The following CORO1C variants were observed in gnomAD, a reference collection of about 807,000 sequenced individuals.
The protein encoded by CORO1C is coronin-1C.
Under a neutral mutation model 51.2 loss-of-function variants are expected in CORO1C, and 14 were observed. The ratio of observed to expected loss-of-function variants is 0.27; its 90% confidence interval spans 0.18 to 0.43. The LOEUF (loss-of-function observed/expected upper bound fraction) is 0.43. CORO1C is among the 20% of genes least tolerant of loss of function. The pLI, the probability that CORO1C is intolerant of heterozygous loss-of-function variation, is 1.00. For synonymous variants in CORO1C, 181 were observed against 210.5 expected, an observed-to-expected ratio of 0.86 and a Z score of 1.21; for missense variants, 417 against 607.8, an observed-to-expected ratio of 0.69 and a Z score of 3.30.
intron 2 of CORO1C, among the ~76,000 whole-genome samples, chr12:108,685,803 C>T (rs1038833805): frequency 5.3e-5 from 8 of 151,928 alleles, no homozygotes; most frequent in Middle Eastern, 3.2e-3. Context: ...AAATATCTGA[C>T]AGTGATAAAA....
chr12:108,725,356 A>T lies in CORO1C; in HGVS notation c.-6+6073T>A, dbSNP rs114948398. 5.8e-3 allele frequency among the ~76,000 whole-genome samples: 890 copies of T among 152,358 alleles called. 10 individuals are homozygous for T. The highest frequency in any genetic ancestry group is 0.02 in the African/African-American group (844 of 41,578). ...CCATTCATTAACAGACATTTAAGAG[A>T]GAAGAGAGGGAACAGGAATGTATTC... On this transcript the variant is annotated intron_variant, in intron 1 of 10. Transcript: ENST00000261401.
At chr12:108,688,989 C>G (rs1250514622) in intron 2 of CORO1C, among the ~76,000 whole-genome samples, 1 of 151,064 alleles carries the variant, frequency 6.6e-6, no homozygotes, top group Non-Finnish European at 1.5e-5. Context: ...TGAGAGCGTA[C>G]CACTACACTC....
At chr12:108,650,862 G>C (rs1322048456) in intron 8 of CORO1C, among the ~76,000 whole-genome samples, 6 of 152,158 alleles carry the variant, frequency 3.9e-5, no homozygotes, top group African/African-American at 1.2e-4. Flanking sequence ...ACCATATTTT[G>C]ATTAGTTTGG....
At chr12:108,709,289 G>A (rs994624511) in intron 1 of CORO1C, among the ~76,000 whole-genome samples, 2 of 152,068 alleles carry the variant, frequency 1.3e-5, no homozygotes, top group African/African-American at 4.8e-5. Context: ...TTATTTAAGA[G>A]CCCAGTAATA....
chr12:108,722,225 G>A (rs917153182), intron 1 of CORO1C, among the ~76,000 whole-genome samples: 5 of 152,216 alleles, frequency 3.3e-5, no homozygotes, highest in African/African-American at 1.2e-4. Flanking sequence ...GAAATGACAT[G>A]AATAAAGCCT....
At chr12:108,716,607 T>A (rs189198875) in intron 1 of CORO1C, among the ~76,000 whole-genome samples, 26 of 152,332 alleles carry the variant, frequency 1.7e-4, no homozygotes, top group African/African-American at 6.3e-4. Context: ...CACAAATTTA[T>A]CTTGACATAA....
At chr12:108,660,451 C>CAAAAAA (rs139334112) in intron 4 of CORO1C, among the ~76,000 whole-genome samples, 6 of 87,482 alleles carry the variant, frequency 6.9e-5, no homozygotes, top group Non-Finnish European at 9.1e-5. Flanking sequence ...AACTCCATCT[C>CAAAAAA]AAAAAAAAAA....
chr12:108,647,749 G>T (rs117660611), intron 10 of CORO1C, among the ~76,000 whole-genome samples: 1 of 152,200 alleles, frequency 6.6e-6, no homozygotes, highest in Non-Finnish European at 1.5e-5. Context: ...GTGTCACAGT[G>T]TCACAGTGCC....
chr12:108,702,501 T>C (rs1057454701), intron 1 of CORO1C, among the ~76,000 whole-genome samples: 1 of 152,210 alleles, frequency 6.6e-6, no homozygotes, highest in Non-Finnish European at 1.5e-5. Flanking sequence ...TAAGATTTCC[T>C]AGACTGCACC....
intron 3 of CORO1C, among the ~76,000 whole-genome samples, chr12:108,674,617 C>A (rs1302975718): frequency 6.7e-6 from 1 of 149,556 alleles, no homozygotes; most frequent in Non-Finnish European, 1.5e-5. Context: ...TAAGAAAATT[C>A]ATGATTCGTG....
intron 2 of CORO1C, among the ~76,000 whole-genome samples, chr12:108,686,043 C>A (rs1426371970): frequency 6.6e-6 from 1 of 152,230 alleles, no homozygotes; most frequent in East Asian, 1.9e-4. Context: ...CACTTACAAA[C>A]TGCTGAGGGC....
At position 108,647,486 on chromosome 12, in the gene CORO1C, T is replaced by C. The variant is rs1233174795; in HGVS notation, c.1342A>G (p.Ile448Val). ...EAKLDEILKE[I>V]KSIKDTICNQ... ...CAGATTGTGTCTTTTATAGATTTGA[T>C]CTCTTTTAAAATCTCATCCAACTTG... The change falls in exon 11 of 11, where the codon ATC becomes GTC. Residue 448 changes from isoleucine (I) to valine (V), a missense_variant. By Grantham distance (29) the Ile-to-Val change is conservative. Coordinates refer to ENST00000261401, the MANE Select transcript of CORO1C (RefSeq NM_014325.4). The C allele has an allele frequency of 6.2e-7, 1 of 1,606,266 alleles. No individual in the cohort carries two copies.
intron 1 of CORO1C, among the ~76,000 whole-genome samples, chr12:108,714,559 G>A (rs2035275886): frequency 6.6e-6 from 1 of 151,466 alleles, no homozygotes; most frequent in South Asian, 2.1e-4. Flanking sequence ...TCAGGAGTTG[G>A]AGACCAGCCT....
chr12:108,667,148 TATATATTTCTA>T (rs1192979648), intron 3 of CORO1C, among the ~76,000 whole-genome samples: 1 of 152,134 alleles, frequency 6.6e-6, no homozygotes, highest in Admixed American at 6.5e-5. Context: ...TATGACGCCA[TATATATTTCTA>T]GGTCTGAACA....
intron 3 of CORO1C, among the ~76,000 whole-genome samples, chr12:108,667,681 T>C (rs1022104288): frequency 1.3e-5 from 2 of 152,138 alleles, no homozygotes; most frequent in African/African-American, 2.4e-5. Context: ...CTGTGCAACA[T>C]AGAAACCTCT....
chr12:108,665,113 G>A (rs1001604278), intron 3 of CORO1C, among the ~76,000 whole-genome samples: 2 of 152,162 alleles, frequency 1.3e-5, no homozygotes, highest in Admixed American at 6.5e-5. Flanking sequence ...GTGGAGTGAT[G>A]GGAGACTTTG....
intron 1 of CORO1C, among the ~76,000 whole-genome samples, chr12:108,709,839 A>G (rs4964272): frequency 0.56 from 85,309 of 152,066 alleles, 24,753 homozygotes; most frequent in East Asian, 0.99. Context: ...CTTTGGAAAA[A>G]CTGCTTGCTC....
Position 108,657,339 on chromosome 12 carries a change from G to A in CORO1C, c.715C>T (p.Arg239Cys), listed in dbSNP as rs1352333501. The change falls in exon 6 of 11, where the codon CGC (arginine) becomes TGC (cysteine). Residue 239 changes from arginine (R) to cysteine (C), a missense_variant. Coordinates refer to ENST00000261401, the MANE Select transcript of CORO1C (RefSeq NM_014325.4). ...AGAGCCAGCTGCCGCTCGCTCATGC[G>A]GCTGAACCCAGTGGTGAAGACATTG... ...DGNVFTTGFSRMSERQLALWN... is the reference protein window; with the variant it reads ...DGNVFTTGFSCMSERQLALWN... The A allele has an allele frequency of 2.5e-6, 4 of 1,613,936 alleles. No individual in the cohort carries two copies. Among genetic ancestry groups the A allele is most frequent in the Admixed American group, 1.7e-5 (1 of 59,986 alleles).
Position 108,688,553 on chromosome 12 carries a change from TA to T in CORO1C, c.196-10160del, listed in dbSNP as rs1192008302. 3.3e-5 allele frequency among the ~76,000 whole-genome samples: 5 copies of T among 152,322 alleles called. No individual in the cohort carries two copies. The East Asian group carries it at 9.6e-4, about 29-fold the overall frequency. On this transcript the variant is annotated intron_variant, in intron 2 of 10. Transcript: ENST00000261401. Reference sequence around the variant, plus strand: ...CTTCATGTAAGAATGATTCCTCACATAATTATTTCTGACCCACATATTGGTT... The same window carrying T: ...CTTCATGTAAGAATGATTCCTCACATATTATTTCTGACCCACATATTGGTT...
Sources: gnomAD v4.1 joint callset for allele counts (sites outside exome capture counted in the v4.1 genomes callset) on GRCh38, gnomAD v4.1.1 for gene constraint, MANE v1.5 for transcripts, NCBI Gene and HGNC (gene_info 2026-07-23, HGNC 2026-07-21) for gene names.